EYS: variants seen among roughly 807,000 people sequenced by gnomAD.
EYS encodes protein eyes shut homolog.
Under a neutral mutation model 282.1 loss-of-function variants are expected in EYS, and 250 were observed. That is an observed-to-expected ratio of 0.89 (90% CI 0.80 to 0.98). EYS has a LOEUF of 0.98. Ranked by LOEUF, EYS falls within the 50% of genes least tolerant of loss-of-function variation. The probability of loss-of-function intolerance (pLI) is 0.00; values close to 1 mark genes in which losing one functional copy is unlikely to be tolerated. For synonymous variants in EYS, 1,355 were observed against 1,282.9 expected (o/e 1.06, Z -1.20); for missense variants, 4,016 against 3,709.0 (o/e 1.08, Z -2.15).
chr6:65,279,837 G>A (rs1195164647), intron 12 of EYS, among the ~76,000 whole-genome samples: 2 of 151,992 alleles, frequency 1.3e-5, no homozygotes, highest in Admixed American at 6.6e-5. Flanking sequence ...AAAAGACAAC[G>A]TGTTCATTCT....
chr6:63,758,914 T>G (rs778692483), intron 41 of EYS, among the ~76,000 whole-genome samples: 2 of 152,056 alleles, frequency 1.3e-5, no homozygotes, highest in Admixed American at 6.6e-5. Context: ...TGAGGGGAAG[T>G]AGCAACCAAG....
chr6:65,034,546 G>A (rs1257206681), intron 13 of EYS, among the ~76,000 whole-genome samples: 1 of 152,008 alleles, frequency 6.6e-6, no homozygotes, highest in East Asian at 1.9e-4. Flanking sequence ...TCATTTAAAA[G>A]TGTGTGGCAC....
chr6:65,379,369 A>G (rs1320027096), intron 8 of EYS, among the ~76,000 whole-genome samples: 1 of 152,158 alleles, frequency 6.6e-6, no homozygotes, highest in African/African-American at 2.4e-5. Context: ...CAAAAGCCAC[A>G]TGATTATCCC....
At chr6:65,162,817 G>A (rs536568949) in intron 12 of EYS, among the ~76,000 whole-genome samples, 25 of 151,004 alleles carry the variant, frequency 1.7e-4, no homozygotes, top group African/African-American at 5.3e-4. Context: ...ACTTGAAAAT[G>A]TTTTGTTTTG....
At chr6:65,394,156 A>G (rs907870353) in intron 7 of EYS, among the ~76,000 whole-genome samples, 1 of 152,076 alleles carries the variant, frequency 6.6e-6, no homozygotes, top group African/African-American at 2.4e-5. Context: ...AATAGTAAAA[A>G]TTTGATCCTC....
At chr6:64,338,455 A>G (rs1311661350) in intron 29 of EYS, among the ~76,000 whole-genome samples, 1 of 152,080 alleles carries the variant, frequency 6.6e-6, no homozygotes, top group Non-Finnish European at 1.5e-5. Flanking sequence ...GGAAAACTAC[A>G]AAACACTACT....
intron 25 of EYS, 96 bp downstream of exon 25, chr6:64,593,021 A>T (rs1766459136): frequency 1.2e-6 from 1 of 832,740 alleles, no homozygotes; most frequent in Non-Finnish European, 1.6e-6. Context: ...CATGTATCTC[A>T]GAAAAAAAAA....
At chr6:64,327,738 G>A (rs1024319645) in intron 29 of EYS, among the ~76,000 whole-genome samples, 6 of 152,120 alleles carry the variant, frequency 3.9e-5, no homozygotes, top group African/African-American at 1.4e-4. Context: ...CACAGGAAAA[G>A]CAGAAAAAAC....
intron 13 of EYS, among the ~76,000 whole-genome samples, chr6:65,048,312 A>G (rs1773162959): frequency 6.6e-6 from 1 of 151,848 alleles, no homozygotes; most frequent in Non-Finnish European, 1.5e-5. Context: ...CTCCACTGAA[A>G]ACTCTTCTTG....
intron 1 of EYS, among the ~76,000 whole-genome samples, chr6:65,700,287 T>C (rs1049720471): frequency 6.6e-6 from 1 of 151,900 alleles, no homozygotes; most frequent in African/African-American, 2.4e-5. Flanking sequence ...CAATCAGAAC[T>C]TCAACTAAGA....
At chr6:65,419,152 T>C (rs1000840353) in intron 5 of EYS, among the ~76,000 whole-genome samples, 1 of 151,670 alleles carries the variant, frequency 6.6e-6, no homozygotes, top group Non-Finnish European at 1.5e-5. Flanking sequence ...GGAAGGTGAA[T>C]AAAATATAAA....
chr6:63,802,589 A>G (rs1282804987), intron 37 of EYS, among the ~76,000 whole-genome samples: 1 of 152,154 alleles, frequency 6.6e-6, no homozygotes. Flanking sequence ...AAGCACATTC[A>G]TGTTATTTTA....
chr6:63,902,759 A>C (rs1773687493), intron 35 of EYS, among the ~76,000 whole-genome samples: 1 of 151,076 alleles, frequency 6.6e-6, no homozygotes, highest in Admixed American at 6.6e-5. Flanking sequence ...GAATTCAAAT[A>C]GTATGCTAAA....
In EYS at chr6:64,886,791, A is replaced by C. The variant is rs1248778370; in HGVS notation, c.2898T>G (p.Asp966Glu). The change falls in exon 19 of 43, where the codon GAT (aspartate) becomes GAG (glutamate). Residue 966 changes from aspartate (D) to glutamate (E), a missense_variant. Transcript: ENST00000503581. Reference sequence around the variant, plus strand: ...AAGGTGAGATTTTACATTTATTTACATCAAGTTCACAGAAGGGCCCATGGT... The same window carrying C: ...AAGGTGAGATTTTACATTTATTTACCTCAAGTTCACAGAAGGGCCCATGGT... ...PEYHGPFCEL[D>E]VNKCKISPCL... The C allele has an allele frequency of 3.9e-6, 6 of 1,547,078 alleles. No individual in the cohort carries two copies. The highest frequency in any genetic ancestry group is 5.2e-6 in the Non-Finnish European group (6 of 1,144,274).
intron 12 of EYS, among the ~76,000 whole-genome samples, chr6:65,253,090 A>G (rs1582066476): frequency 6.6e-6 from 1 of 152,024 alleles, no homozygotes; most frequent in East Asian, 1.9e-4. Context: ...GCTAAAACAC[A>G]TAAATCCATA....
chr6:65,058,552 T>C lies in EYS; in HGVS notation c.2024-825A>G, dbSNP rs115731674. ...AATCTACTCATGATCTTTGTAGATA[T>C]AATATTATGGTGCCAGGGTGATGAA... On this transcript the variant is annotated intron_variant, in intron 12 of 42. Coordinates refer to ENST00000503581, the MANE Select transcript of EYS (RefSeq NM_001142800.2). Among the ~76,000 whole-genome samples the C allele has an allele frequency of 4.2e-3, 637 of 150,056 alleles. 12 individuals are homozygous for C. Among genetic ancestry groups the C allele is most frequent in the African/African-American group, 0.014 (585 of 41,460 alleles).
At chr6:65,346,764 T>A (rs1319828413) in intron 9 of EYS, among the ~76,000 whole-genome samples, 1 of 151,826 alleles carries the variant, frequency 6.6e-6, no homozygotes, top group South Asian at 2.1e-4. Flanking sequence ...GAACATACTA[T>A]GTAAACGTTT....
chr6:65,227,914 A>G (rs1300934202), intron 12 of EYS, among the ~76,000 whole-genome samples: 1 of 152,060 alleles, frequency 6.6e-6, no homozygotes, highest in Non-Finnish European at 1.5e-5. Flanking sequence ...AGGCTGTGGG[A>G]AGGGGGAAAT....
chr6:64,298,016 A>G (rs1001744567), intron 30 of EYS, among the ~76,000 whole-genome samples: 2 of 151,508 alleles, frequency 1.3e-5, no homozygotes, highest in Non-Finnish European at 2.9e-5. Context: ...AGAAATTAAG[A>G]CATTCCCAGA....
Sources: gnomAD v4.1 joint callset for allele counts (sites outside exome capture counted in the v4.1 genomes callset) on GRCh38, gnomAD v4.1.1 for gene constraint, MANE v1.5 for transcripts, NCBI Gene and HGNC (gene_info 2026-07-23, HGNC 2026-07-21) for gene names.